The following SLC2A14 variants were observed in gnomAD, a reference collection of about 807,000 sequenced individuals.
SLC2A14 encodes the protein solute carrier family 2, facilitated glucose transporter member 14.
Under a neutral mutation model 43.0 loss-of-function variants are expected in SLC2A14, and 13 were observed. That is an observed-to-expected ratio of 0.30 (90% CI 0.20 to 0.48). SLC2A14 has a LOEUF of 0.48. SLC2A14 is among the 20% of genes least tolerant of loss of function. SLC2A14 has a pLI of 0.99. For synonymous variants in SLC2A14, 190 were observed against 233.8 expected, an observed-to-expected ratio of 0.81 and a Z score of 1.71; for missense variants, 428 against 620.4, an observed-to-expected ratio of 0.69 and a Z score of 3.29.
At chr12:7,852,401 A>G (rs926094390) in intron 2 of SLC2A14, among the ~76,000 whole-genome samples, 1 of 152,164 alleles carries the variant, frequency 6.6e-6, no homozygotes, top group African/African-American at 2.4e-5. Context: ...TTTTTTCCCC[A>G]TCTAGAAAGA....
At chr12:7,883,218 AT>A (rs1951462964) in intron 1 of SLC2A14, among the ~76,000 whole-genome samples, 1 of 150,626 alleles carries the variant, frequency 6.6e-6, no homozygotes, top group Non-Finnish European at 1.5e-5. Context: ...TCAAAAAACA[AT>A]CCAAAACCAA....
intron 2 of SLC2A14, among the ~76,000 whole-genome samples, chr12:7,861,688 C>T (rs1186010207): frequency 2.0e-5 from 3 of 152,050 alleles, no homozygotes; most frequent in South Asian, 2.1e-4. Flanking sequence ...ACAGGCCATG[C>T]GCGGAGGCTC....
intron 2 of SLC2A14, among the ~76,000 whole-genome samples, chr12:7,844,987 T>C (rs907216978): frequency 5.9e-5 from 9 of 152,306 alleles, no homozygotes; most frequent in Non-Finnish European, 8.8e-5. Context: ...CACCATTTTA[T>C]AGGTGCAAAA....
chr12:7,842,159 A>C (rs1327134147), intron 2 of SLC2A14, among the ~76,000 whole-genome samples: 1 of 152,030 alleles, frequency 6.6e-6, no homozygotes, highest in East Asian at 1.9e-4. Flanking sequence ...GCCTTTTCAG[A>C]TTGGCTTATT....
intron 2 of SLC2A14, among the ~76,000 whole-genome samples, chr12:7,849,091 G>A (rs928097310): frequency 1.3e-5 from 2 of 152,200 alleles, no homozygotes; most frequent in Middle Eastern, 3.4e-3. Context: ...TGACCTCAGG[G>A]TAGTCAGCCC....
intron 2 of SLC2A14, among the ~76,000 whole-genome samples, chr12:7,869,372 A>C (rs1324025018): frequency 6.6e-6 from 1 of 152,150 alleles, no homozygotes; most frequent in Non-Finnish European, 1.5e-5. Flanking sequence ...CCCAATCCAA[A>C]GGCTCATATG....
intron 2 of SLC2A14, among the ~76,000 whole-genome samples, chr12:7,836,363 A>G (rs1865460874): frequency 6.6e-6 from 1 of 151,962 alleles, no homozygotes; most frequent in Non-Finnish European, 1.5e-5. Flanking sequence ...TGGGACTACA[A>G]GCGTGTGCCA....
intron 1 of SLC2A14, among the ~76,000 whole-genome samples, chr12:7,870,607 C>T (rs1245252992): frequency 2.0e-5 from 3 of 152,000 alleles, no homozygotes; most frequent in African/African-American, 4.8e-5. Context: ...TATTCCACAT[C>T]CTCCTTATTT....
Position 7,878,976 on chromosome 12 carries a change from C to CAAA in SLC2A14, c.132+12017_132+12019dup, listed in dbSNP as rs58838986. On this transcript the variant is annotated intron_variant, in intron 1 of 9. Coordinates refer to the SLC2A14 transcript ENST00000539924. ...TGGGCGACACAGCAAGAGTCCGTCT[C>CAAA]AAAAAAAAAAAAAAAAAAAAAAAAA... 2.5e-3 allele frequency among the ~76,000 whole-genome samples: 171 copies of CAAA among 69,272 alleles called. 6 individuals are homozygous for CAAA. The highest frequency in any genetic ancestry group is 0.01 in the Middle Eastern group (1 of 100). 45.4% of individuals were successfully genotyped at this position (69,272 alleles called of 152,430 possible). A position where few individuals can be genotyped will look rare whatever the true frequency, so the allele number is the denominator to read the frequency against.
In SLC2A14 at chr12:7,829,878, A is replaced by G. The variant is rs371427912; in HGVS notation, c.401T>C (p.Leu134Pro). The change falls in exon 5 of 11, where the codon CTC becomes CCC. Residue 134 changes from leucine (L) to proline (P), a missense_variant. Transcript: ENST00000431042. Reference protein sequence around the residue: ...GRLVIGLFCGLCTGFVPMYIG... With the variant: ...GRLVIGLFCGPCTGFVPMYIG... ...GTACATGGGCACAAAACCTGTGCAG[A>G]GTCCGCAGAAGAGGCCAATAACCAA... The G allele has an allele frequency of 2.5e-6, 4 of 1,614,102 alleles. No individual in the cohort carries two copies. Among genetic ancestry groups the G allele is most frequent in the Non-Finnish European group, 3.4e-6 (4 of 1,180,046 alleles).
At chr12:7,821,720 C>A (rs1489638582) in intron 7 of SLC2A14, among the ~76,000 whole-genome samples, 1 of 152,026 alleles carries the variant, frequency 6.6e-6, no homozygotes, top group East Asian at 1.9e-4. Flanking sequence ...TATCTCCTTT[C>A]TCTTTTTCTT....
In SLC2A14 at chr12:7,889,877, G is replaced by A. The variant is rs181427373; in HGVS notation, c.132+1119C>T. Among the ~76,000 whole-genome samples, 84 of 152,042 alleles carry A rather than the reference G, an allele frequency of 5.5e-4. 1 individual carries two copies. The highest frequency in any genetic ancestry group is 9.6e-4 in the Non-Finnish European group (65 of 67,976). On this transcript the variant is annotated intron_variant, in intron 1 of 9. Transcript: ENST00000539924. ...ATTACTTGATGATATGCTAAACAAC[G>A]GGTGGATTATTCATTCCTCCCCTTT...
intron 2 of SLC2A14, among the ~76,000 whole-genome samples, chr12:7,842,461 G>A (rs1042461910): frequency 2.6e-5 from 4 of 152,208 alleles, no homozygotes; most frequent in Non-Finnish European, 4.4e-5. Flanking sequence ...CCAAAAGGCC[G>A]AGAAGCGGGA....
intron 2 of SLC2A14, among the ~76,000 whole-genome samples, chr12:7,855,504 G>A (rs1222762860): frequency 1.3e-5 from 2 of 152,086 alleles, no homozygotes; most frequent in East Asian, 3.9e-4. Flanking sequence ...AAAGTTGGGA[G>A]CTTAAGAAGA....
chr12:7,814,180 A>G lies in SLC2A14; in HGVS notation c.*136T>C, dbSNP rs1209682015. ...AACAAACTGCAGCCTTGGGGTGCTC[A>G]TGGAGTGCGTGGGATGAGAAAGAAA... is the stretch of plus-strand genomic sequence containing the variant. On this transcript the variant is annotated 3_prime_UTR_variant, in exon 11 of 11. Coordinates refer to ENST00000431042, the MANE Select transcript of SLC2A14 (RefSeq NM_001286234.2). The G allele has an allele frequency of 1.3e-6, 2 of 1,488,720 alleles. No homozygotes were observed. The highest frequency in any genetic ancestry group is 1.8e-6 in the Non-Finnish European group (2 of 1,106,802). 92.2% of individuals were successfully genotyped at this position (1,488,720 alleles called of 1,614,324 possible).
intron 1 of SLC2A14, chr12:7,871,199 C>G: frequency 7.9e-7 from 1 of 1,259,752 alleles, no homozygotes; most frequent in Non-Finnish European, 1.0e-6. Flanking sequence ...GAGGAATCCT[C>G]AGGTTTCATT....
chr12:7,861,969 A>C (rs1468799569), intron 2 of SLC2A14, among the ~76,000 whole-genome samples: 2 of 147,958 alleles, frequency 1.4e-5, no homozygotes, highest in Non-Finnish European at 3.0e-5. Flanking sequence ...TTCAAAAAAA[A>C]AAAAACAAAA....
intron 1 of SLC2A14, among the ~76,000 whole-genome samples, chr12:7,882,149 C>G (rs1383082056): frequency 1.3e-5 from 2 of 152,058 alleles, no homozygotes; most frequent in Admixed American, 6.6e-5. Context: ...TGGGTCTGCA[C>G]TGCTTTTATG....
chr12:7,869,686 A>C (rs1945122064), intron 2 of SLC2A14, among the ~76,000 whole-genome samples, 177 bp downstream of exon 2: 1 of 152,168 alleles, frequency 6.6e-6, no homozygotes, highest in African/African-American at 2.4e-5. Flanking sequence ...ATTGCTTATG[A>C]ATAAAAAGAT....
Sources: gnomAD v4.1 joint callset for allele counts (sites outside exome capture counted in the v4.1 genomes callset) on GRCh38, gnomAD v4.1.1 for gene constraint, MANE v1.5 for transcripts, NCBI Gene and HGNC (gene_info 2026-07-23, HGNC 2026-07-21) for gene names.